SV2C: variants seen among roughly 807,000 people sequenced by gnomAD.
SV2C encodes the protein synaptic vesicle glycoprotein 2C.
Under a neutral mutation model 79.7 loss-of-function variants are expected in SV2C, and 49 were observed. That is an observed-to-expected ratio of 0.61 (90% CI 0.49 to 0.78). SV2C has a LOEUF of 0.78. Ranked by LOEUF, SV2C falls within the 30% of genes least tolerant of loss-of-function variation. SV2C has a pLI of 0.00. For missense variants in SV2C, 833 were observed against 912.9 expected (o/e 0.91, Z 1.13); for synonymous variants, 334 against 333.2 (o/e 1.00, Z -0.03).
At chr5:76,167,886 G>C (rs543554080) in intron 2 of SV2C, among the ~76,000 whole-genome samples, 1 of 152,268 alleles carries the variant, frequency 6.6e-6, no homozygotes, top group African/African-American at 2.4e-5. Context: ...GTCCTAAAAT[G>C]ATACAGGAAA....
rs186892550 is a variant in SV2C, at chr5:76,243,647, T to C, written c.913+33760T>C. Among the ~76,000 whole-genome samples the C allele has an allele frequency of 2.2e-4, 33 of 152,348 alleles. 1 individual carries two copies. Among genetic ancestry groups the C allele is most frequent in the African/African-American group, 5.5e-4 (23 of 41,576 alleles). ...GCCAAAGCCTCCTGCCTGCTCTCTT[T>C]GATTCTGCTTCTGTGCCGTGCCCCG... On this transcript the variant is annotated intron_variant, in intron 4 of 12. Coordinates refer to ENST00000502798, the MANE Select transcript of SV2C (RefSeq NM_014979.4).
chr5:76,255,949 G>C (rs1746251196), intron 4 of SV2C, among the ~76,000 whole-genome samples: 1 of 152,252 alleles, frequency 6.6e-6, no homozygotes, highest in South Asian at 2.1e-4. Flanking sequence ...TGTCAGGCCA[G>C]TTTGCCTGAT....
the SV2C span, among the ~76,000 whole-genome samples, chr5:76,030,106 A>AT: frequency 6.6e-6 from 1 of 151,958 alleles, no homozygotes; most frequent in African/African-American, 2.4e-5. Flanking sequence ...TTACCTATTT[A>AT]TTTTTTTAAA....
chr5:76,097,598 G>T (rs1485000433), intron 1 of SV2C, among the ~76,000 whole-genome samples: 1 of 152,036 alleles, frequency 6.6e-6, no homozygotes. Context: ...TGACCTTAAG[G>T]CATTATGCTG....
chr5:76,112,730 G>A (rs903530971), intron 1 of SV2C, among the ~76,000 whole-genome samples: 1 of 152,200 alleles, frequency 6.6e-6, no homozygotes, highest in Non-Finnish European at 1.5e-5. Context: ...AACATATTTG[G>A]CCATAAACCT....
chr5:76,339,307 T>C (rs1749392479), intron 12 of SV2C, among the ~76,000 whole-genome samples: 1 of 152,252 alleles, frequency 6.6e-6, no homozygotes, highest in Non-Finnish European at 1.5e-5. Flanking sequence ...GTGCATATTC[T>C]TTGATTGCCT....
At chr5:75,996,563 ATTACCTTGGGCAGTATGGCCATT>A in the SV2C span, among the ~76,000 whole-genome samples, 2 of 152,156 alleles carry the variant, frequency 1.3e-5, no homozygotes, top group South Asian at 4.1e-4. Context: ...GAATCCATCA[ATTACCTTGGGCAGTATGGCCATT>A]TTCACGATAT....
At chr5:76,257,284 T>TATG (rs769973469) in intron 4 of SV2C, among the ~76,000 whole-genome samples, 1 of 142,510 alleles carries the variant, frequency 7.0e-6, no homozygotes, top group Non-Finnish European at 1.5e-5. Flanking sequence ...TGTGTGTGTG[T>TATG]GTGTGTAGTG....
At chr5:75,901,069 C>A in the SV2C span, among the ~76,000 whole-genome samples, 2 of 152,206 alleles carry the variant, frequency 1.3e-5, no homozygotes, top group African/African-American at 4.8e-5. Context: ...TCATCTGAAG[C>A]CTTCTTCTCT....
chr5:76,160,592 G>T (rs1415697945), intron 2 of SV2C, among the ~76,000 whole-genome samples: 1 of 152,144 alleles, frequency 6.6e-6, no homozygotes, highest in African/African-American at 2.4e-5. Context: ...ACACCGTCTA[G>T]AAAGTGACAA....
At chr5:76,118,977 T>C (rs1016784831) in intron 1 of SV2C, among the ~76,000 whole-genome samples, 3 of 152,168 alleles carry the variant, frequency 2.0e-5, no homozygotes, top group Non-Finnish European at 4.4e-5. Context: ...AGCGAGACCC[T>C]GTCTTAAAAA....
rs1320581734 is a variant in SV2C at position 76,172,500 on chromosome 5, G to A, written c.581-22419G>A. On this transcript the variant is annotated intron_variant, in intron 2 of 12. Coordinates refer to ENST00000502798, the MANE Select transcript of SV2C (RefSeq NM_014979.4). ...GCCTCTGCCCGGCCGCCCCTACTGG[G>A]AAGTGAGGAGCCCCTCTGCCCGGCC... 2.5e-4 allele frequency among the ~76,000 whole-genome samples: 19 copies of A among 77,378 alleles called. No individual in the cohort carries two copies. The East Asian group carries it at 4.4e-3, about 18-fold the overall frequency. The allele number at this position is 77,378 out of a possible 152,430, so 50.8% of individuals were successfully genotyped here. A position where few individuals can be genotyped will look rare whatever the true frequency, so the allele number is the denominator to read the frequency against.
At chr5:76,263,260 TTTTTTG>T (rs889485387) in intron 4 of SV2C, among the ~76,000 whole-genome samples, 60 of 151,430 alleles carry the variant, frequency 4.0e-4, no homozygotes, top group African/African-American at 1.3e-3. Context: ...CAACCCCTGC[TTTTTTG>T]TTTTTGTTTT....
At chr5:76,353,021 T>C (rs246792) in intron 12 of SV2C, 186,795 of 416,642 alleles carry the variant, frequency 0.45, 43,486 homozygotes, top group African/African-American at 0.57. Context: ...CATAGCTCAC[T>C]ATAATCTTAA....
chr5:76,310,241 T>C (rs1010024177), intron 12 of SV2C, among the ~76,000 whole-genome samples: 2 of 152,116 alleles, frequency 1.3e-5, no homozygotes, highest in Non-Finnish European at 2.9e-5. Context: ...CTAAGTGCTG[T>C]AGAGAAAAAT....
At chr5:76,115,465 T>C (rs1469046003) in intron 1 of SV2C, among the ~76,000 whole-genome samples, 1 of 152,188 alleles carries the variant, frequency 6.6e-6, no homozygotes, top group African/African-American at 2.4e-5. Context: ...CCAGGTACAA[T>C]GAAGAGCTGG....
intron 12 of SV2C, among the ~76,000 whole-genome samples, chr5:76,345,491 C>A (rs1561327842): frequency 6.6e-6 from 1 of 152,142 alleles, no homozygotes; most frequent in Non-Finnish European, 1.5e-5. Flanking sequence ...ATTATCAGGG[C>A]TCCTAGAAGT....
intron 4 of SV2C, among the ~76,000 whole-genome samples, chr5:76,284,162 T>A (rs1393816472): frequency 6.6e-6 from 1 of 152,204 alleles, no homozygotes; most frequent in East Asian, 1.9e-4. Flanking sequence ...TTCATTTGAA[T>A]GGATATAAAA....
chr5:75,859,771 A>T, the SV2C span, among the ~76,000 whole-genome samples: 1 of 152,194 alleles, frequency 6.6e-6, no homozygotes, highest in Non-Finnish European at 1.5e-5. Context: ...TTCAGTCCTG[A>T]AAAGTTAAAG....
Sources: gnomAD v4.1 joint callset for allele counts (sites outside exome capture counted in the v4.1 genomes callset) on GRCh38, gnomAD v4.1.1 for gene constraint, MANE v1.5 for transcripts, NCBI Gene and HGNC (gene_info 2026-07-23, HGNC 2026-07-21) for gene names.